Variants in GABRA2 observed in about 807,000 individuals in gnomAD.
GABRA2 encodes the protein gamma-aminobutyric acid type A receptor subunit alpha2.
A neutral mutation model predicts 48.7 loss-of-function variants in GABRA2; 16 were observed. The observed-to-expected ratio is 0.33, with a 90% CI of 0.22 to 0.50. GABRA2 has a LOEUF of 0.50. Among genes scored for constraint, GABRA2 ranks in the 20% least tolerant of loss-of-function variants. GABRA2 has a pLI of 0.98. For missense variants in GABRA2, 275 were observed against 535.6 expected, an observed-to-expected ratio of 0.51 and a Z score of 4.80; for synonymous variants, 185 against 184.5, an observed-to-expected ratio of 1.00 and a Z score of -0.02.
At position 46,267,748 on chromosome 4, in the gene GABRA2, A is replaced by G. The variant is rs146829577; in HGVS notation, c.857-5620T>C. Among the ~76,000 whole-genome samples, 419 of 152,144 alleles carry G rather than the reference A, an allele frequency of 2.8e-3. 2 individuals are homozygous for G. Among genetic ancestry groups the G allele is most frequent in the African/African-American group, 9.6e-3 (398 of 41,546 alleles). ...GGGGGTCATCTAATGAATGGACAGA[A>G]TATGTAATCATTAGCTATTTTTATT... On this transcript the variant is annotated intron_variant, in intron 8 of 9. Coordinates refer to ENST00000381620, the MANE Select transcript of GABRA2 (RefSeq NM_000807.4).
chr4:46,346,981 A>G (rs1014844883), intron 3 of GABRA2, among the ~76,000 whole-genome samples: 6 of 151,950 alleles, frequency 3.9e-5, no homozygotes, highest in African/African-American at 1.4e-4. Context: ...TATACTAACA[A>G]TGAACAATCT....
At chr4:46,280,424 G>C (rs995787881) in intron 8 of GABRA2, among the ~76,000 whole-genome samples, 2 of 152,002 alleles carry the variant, frequency 1.3e-5, no homozygotes, top group Non-Finnish European at 2.9e-5. Flanking sequence ...GAAAGAGCAA[G>C]GGATAGGAAG....
intron 3 of GABRA2, among the ~76,000 whole-genome samples, chr4:46,383,010 C>A (rs1016805511): frequency 1.3e-5 from 2 of 151,946 alleles, no homozygotes; most frequent in African/African-American, 4.8e-5. Context: ...AGGTAATTTC[C>A]CTGAGTTTTC....
At chr4:46,344,049 T>C (rs1733741065) in intron 3 of GABRA2, among the ~76,000 whole-genome samples, 1 of 151,990 alleles carries the variant, frequency 6.6e-6, no homozygotes, top group Non-Finnish European at 1.5e-5. Flanking sequence ...TAGCTATTAC[T>C]AGTGTTACTA....
intron 3 of GABRA2, among the ~76,000 whole-genome samples, chr4:46,350,750 A>T (rs565348769): frequency 6.6e-6 from 1 of 151,996 alleles, no homozygotes; most frequent in Non-Finnish European, 1.5e-5. Flanking sequence ...AATTAAAAAA[A>T]ATTGAGTGCC....
chr4:46,363,102 C>T (rs910513620), intron 3 of GABRA2, among the ~76,000 whole-genome samples: 6 of 152,046 alleles, frequency 3.9e-5, no homozygotes, highest in African/African-American at 7.2e-5. Flanking sequence ...GTTATATATC[C>T]ATTACCTGCA....
At chr4:46,376,696 T>A (rs1715749173) in intron 3 of GABRA2, among the ~76,000 whole-genome samples, 1 of 151,828 alleles carries the variant, frequency 6.6e-6, no homozygotes, top group African/African-American at 2.4e-5. Context: ...AGACCAGACA[T>A]AGTGAGATCC....
chr4:46,316,509 G>C (rs1326759656), intron 4 of GABRA2, among the ~76,000 whole-genome samples: 1 of 151,972 alleles, frequency 6.6e-6, no homozygotes, highest in Admixed American at 6.6e-5. Context: ...AAATCTGTAA[G>C]TAAGATTACT....
chr4:46,247,831 G>T lies in GABRA2; in HGVS notation c.*2477C>A, dbSNP rs1446261762. Among the ~76,000 whole-genome samples the T allele has an allele frequency of 6.6e-6, 1 of 151,164 alleles. No individual in the cohort carries two copies. Among genetic ancestry groups the T allele is most frequent in the Admixed American group, 6.6e-5 (1 of 15,106 alleles). On this transcript the variant is annotated 3_prime_UTR_variant, in exon 10 of 10. Coordinates refer to ENST00000381620, the MANE Select transcript of GABRA2 (RefSeq NM_000807.4). ...CCCTAGTCTCCCCACAAGAGAAGAA[G>T]CTCCTTTTGATTTATTTAAACATTA...
At chr4:46,328,190 T>C (rs1268084729) in intron 4 of GABRA2, among the ~76,000 whole-genome samples, 2 of 152,020 alleles carry the variant, frequency 1.3e-5, no homozygotes, top group Non-Finnish European at 2.9e-5. Context: ...TTGCAGAAAC[T>C]TAAAGTAGAA....
At chr4:46,272,552 C>A (rs555233050) in intron 8 of GABRA2, among the ~76,000 whole-genome samples, 2 of 151,982 alleles carry the variant, frequency 1.3e-5, no homozygotes, top group Non-Finnish European at 2.9e-5. Context: ...TACAAAACAA[C>A]CCAACCTCAC....
At chr4:46,275,065 G>A (rs1019870846) in intron 8 of GABRA2, among the ~76,000 whole-genome samples, 1 of 152,024 alleles carries the variant, frequency 6.6e-6, no homozygotes, top group Non-Finnish European at 1.5e-5. Context: ...CGGCTCTCGT[G>A]GAAAAAGAAA....
rs1035411973 is a variant in GABRA2 at position 46,350,407 on chromosome 4, T to A, written c.188-17725A>T. Among the ~76,000 whole-genome samples, 4 of 151,938 alleles carry A rather than the reference T, an allele frequency of 2.6e-5. No individual in the cohort carries two copies. In the South Asian group the frequency reaches 8.3e-4, roughly 31 times the overall value. ...GCTAGTTATGAAAACATAGCAACATTTAAAATTTTCATCTCATTATATGTA... is the reference window on the plus strand; with the variant it reads ...GCTAGTTATGAAAACATAGCAACATATAAAATTTTCATCTCATTATATGTA... On this transcript the variant is annotated intron_variant, in intron 3 of 9. Transcript: ENST00000381620.
At chr4:46,304,991 CAT>C (rs1262406993) in intron 7 of GABRA2, among the ~76,000 whole-genome samples, 1 of 150,782 alleles carries the variant, frequency 6.6e-6, no homozygotes, top group African/African-American at 2.4e-5. Context: ...TGAGAAGACA[CAT>C]ATGTTGCAAA....
At chr4:46,281,488 G>A (rs1442937186) in intron 8 of GABRA2, among the ~76,000 whole-genome samples, 1 of 152,188 alleles carries the variant, frequency 6.6e-6, no homozygotes, top group East Asian at 1.9e-4. Context: ...AATCTAGGGA[G>A]TGTGGTTATC....
intron 4 of GABRA2, among the ~76,000 whole-genome samples, chr4:46,331,606 A>G (rs893410711): frequency 6.6e-6 from 1 of 152,204 alleles, no homozygotes; most frequent in African/African-American, 2.4e-5. Flanking sequence ...AGTTAGCAGT[A>G]AAAGTGAAGG....
chr4:46,265,549 T>A (rs1718046229), intron 8 of GABRA2, among the ~76,000 whole-genome samples: 1 of 145,930 alleles, frequency 6.9e-6, no homozygotes, highest in African/African-American at 2.7e-5. Context: ...TTTCCTGATT[T>A]TAGTAATTTG....
At chr4:46,366,099 TC>T (rs2109979372) in intron 3 of GABRA2, 1 of 152,086 alleles carries the variant, frequency 6.6e-6, no homozygotes, top group East Asian at 1.9e-4. Context: ...CTTATCTCCT[TC>T]TCATTAGCTA....
intron 2 of GABRA2, 57 bp downstream of exon 2, chr4:46,388,579 T>C (rs1277519199): frequency 1.3e-6 from 2 of 1,595,496 alleles, no homozygotes; most frequent in Admixed American, 3.4e-5. Flanking sequence ...ATTAATGGCC[T>C]ACAAGAAACA....
Sources: gnomAD v4.1 joint callset for allele counts (sites outside exome capture counted in the v4.1 genomes callset) on GRCh38, gnomAD v4.1.1 for gene constraint, MANE v1.5 for transcripts, NCBI Gene and HGNC (gene_info 2026-07-23, HGNC 2026-07-21) for gene names.